Variants in DPY19L2 observed in about 807,000 individuals in gnomAD.
DPY19L2 encodes the protein dpy-19 like 2.
Under a neutral mutation model 97.9 loss-of-function variants are expected in DPY19L2, and 34 were observed. The ratio of observed to expected loss-of-function variants is 0.35; its 90% CI spans 0.26 to 0.46. The LOEUF (loss-of-function observed/expected upper bound fraction) is 0.46, where lower values mean the gene tolerates loss of function less well. Ranked by LOEUF, DPY19L2 falls within the 20% of genes least tolerant of loss-of-function variation. DPY19L2 has a pLI of 1.00. For synonymous variants in DPY19L2, 230 were observed against 307.9 expected, an observed-to-expected ratio of 0.75 and a Z score of 2.65; for missense variants, 623 against 911.4, an observed-to-expected ratio of 0.68 and a Z score of 4.07.
At chr12:63,589,721 G>A (rs997645349) in intron 16 of DPY19L2, among the ~76,000 whole-genome samples, 1 of 152,124 alleles carries the variant, frequency 6.6e-6, no homozygotes, top group Non-Finnish European at 1.5e-5. Flanking sequence ...TGATTGTAGA[G>A]AAATTTTGAA....
At chr12:63,581,151 C>A (rs1173314289) in intron 18 of DPY19L2, among the ~76,000 whole-genome samples, 3 of 152,166 alleles carry the variant, frequency 2.0e-5, no homozygotes, top group African/African-American at 7.2e-5. Flanking sequence ...TAAATCCTTG[C>A]ATCCTTGGCT....
intron 6 of DPY19L2, among the ~76,000 whole-genome samples, chr12:63,636,564 A>T (rs1891743187): frequency 6.6e-6 from 1 of 152,160 alleles, no homozygotes; most frequent in African/African-American, 2.4e-5. Context: ...TAGGCTCAAA[A>T]AAAAGGGATG....
rs58963302 is a variant in DPY19L2, at chr12:63,594,491, G to GTGTGTGTA, written c.1534-359_1534-358insTACACACA. On this transcript the variant is annotated intron_variant, in intron 15 of 21. Transcript: ENST00000324472. ...TGTGTGTGTGTGTGTGTGTGTGTGTGTATGAAACTTGGCCGGCTACAGGGA... is the reference window on the plus strand; with the variant it reads ...TGTGTGTGTGTGTGTGTGTGTGTGTGTGTGTGTATATGAAACTTGGCCGGCTACAGGGA... Among the ~76,000 whole-genome samples, 216 of 144,638 alleles carry GTGTGTGTA rather than the reference G, an allele frequency of 1.5e-3. 3 individuals carry two copies. The highest frequency in any genetic ancestry group is 5.5e-3 in the African/African-American group (204 of 37,142). 94.9% of individuals were successfully genotyped at this position (144,638 alleles called of 152,430 possible).
chr12:63,614,762 T>A (rs1887578559), intron 11 of DPY19L2, among the ~76,000 whole-genome samples: 1 of 152,132 alleles, frequency 6.6e-6, no homozygotes, highest in South Asian at 2.1e-4. Context: ...TTACCATAAA[T>A]GCATGCACAC....
At chr12:63,562,437 T>TTATTTCCA in intron 21 of DPY19L2, among the ~76,000 whole-genome samples, 1 of 144,198 alleles carries the variant, frequency 6.9e-6, no homozygotes, top group African/African-American at 2.9e-5. Context: ...GATAAATAAG[T>TTATTTCCA]GGATTGTTTC....
At chr12:63,570,287 A>C (rs558006076) in intron 20 of DPY19L2, among the ~76,000 whole-genome samples, 1 of 152,226 alleles carries the variant, frequency 6.6e-6, no homozygotes, top group Non-Finnish European at 1.5e-5. Context: ...CACGTAATAT[A>C]TAATAGCAAC....
intron 16 of DPY19L2, among the ~76,000 whole-genome samples, chr12:63,584,405 CCA>C (rs1200447981): frequency 2.6e-5 from 4 of 152,264 alleles, no homozygotes; most frequent in Admixed American, 2.6e-4. Flanking sequence ...GAAATGAATA[CCA>C]CAGTCTCTGC....
intron 11 of DPY19L2, among the ~76,000 whole-genome samples, chr12:63,610,841 CA>C (rs56044043): frequency 3.7e-3 from 40 of 10,750 alleles, no homozygotes; most frequent in South Asian, 0.023. Context: ...ATGAATATAG[CA>C]AAAAAAAAAA....
intron 6 of DPY19L2, among the ~76,000 whole-genome samples, chr12:63,631,995 C>G (rs1334713277): frequency 5.9e-5 from 9 of 152,016 alleles, no homozygotes; most frequent in African/African-American, 1.2e-4. Flanking sequence ...GCAGAAAAGG[C>G]CTTTGACAAA....
At chr12:63,651,213 T>C (rs1255819313) in intron 4 of DPY19L2, among the ~76,000 whole-genome samples, 1 of 152,162 alleles carries the variant, frequency 6.6e-6, no homozygotes, top group African/African-American at 2.4e-5. Flanking sequence ...AGCAGAAGAC[T>C]GAAACTTCAC....
chr12:63,668,326 C>G lies in DPY19L2; in HGVS notation c.68G>C (p.Arg23Pro). 1 of 1,613,926 alleles carries G rather than the reference C, an allele frequency of 6.2e-7. No homozygotes were observed. The highest frequency in any genetic ancestry group is 8.5e-7 in the Non-Finnish European group (1 of 1,179,964). ...SSGRSQSKGR[R>P]GASLAREPEV... Reference sequence around the variant, plus strand: ...CGGCTCCCGGGCGAGGGAGGCCCCGCGCCGCCCCTTAGACTGGCTGCGGCC... The same window carrying G: ...CGGCTCCCGGGCGAGGGAGGCCCCGGGCCGCCCCTTAGACTGGCTGCGGCC... The change falls in exon 1 of 22, where the codon CGC (arginine) becomes CCC (proline). Residue 23 changes from arginine (R) to proline (P), a missense_variant. Physicochemically the swap from Arg to Pro is moderately radical, Grantham distance 103. Around this residue, in one of 6 missense-constraint regions of DPY19L2, gnomAD observed 144 missense variants for 119.4 expected, o/e 1.21. Coordinates refer to ENST00000324472, the MANE Select transcript of DPY19L2 (RefSeq NM_173812.5).
intron 10 of DPY19L2, 32 bp from the exon 11 acceptor site, chr12:63,617,422 T>G: frequency 1.4e-6 from 2 of 1,444,418 alleles, no homozygotes; most frequent in Non-Finnish European, 1.9e-6. Context: ...CATTTTATGG[T>G]TATTACATAT....
chr12:63,647,075 C>G (rs147147222), intron 5 of DPY19L2, among the ~76,000 whole-genome samples, 170 bp downstream of exon 5: 1 of 152,092 alleles, frequency 6.6e-6, no homozygotes, highest in Admixed American at 6.5e-5. Context: ...TTTAAGTACA[C>G]AGCCTTCTCA....
At chr12:63,636,737 A>G (rs922679516) in intron 6 of DPY19L2, among the ~76,000 whole-genome samples, 11 of 152,180 alleles carry the variant, frequency 7.2e-5, no homozygotes, top group Non-Finnish European at 1.0e-4. Flanking sequence ...AGAGCTAACT[A>G]TCCTAAATAT....
rs183490353 is a variant in DPY19L2 at position 63,626,782 on chromosome 12, C to T, written c.804-256G>A. 3.0e-4 allele frequency among the ~76,000 whole-genome samples: 46 copies of T among 152,016 alleles called. 1 individual carries two copies. Among genetic ancestry groups the T allele is most frequent in the Middle Eastern group, 3.4e-3 (1 of 294 alleles). ...CTAAATAAAATACATAAGGTGTGAA[C>T]ATAATTTTTTTTTTGAGATGGGATC... is the stretch of plus-strand genomic sequence containing the variant. On this transcript the variant is annotated intron_variant, in intron 6 of 21. Transcript: ENST00000324472.
intron 21 of DPY19L2, among the ~76,000 whole-genome samples, 161 bp from the exon 22 acceptor site, chr12:63,560,823 A>AG (rs1417970572): frequency 6.6e-6 from 1 of 152,212 alleles, no homozygotes; most frequent in African/African-American, 2.4e-5. Context: ...AATTTAAAAA[A>AG]TAGAATGAAA....
At chr12:63,658,325 T>C (rs1391916609) in intron 4 of DPY19L2, among the ~76,000 whole-genome samples, 1 of 151,952 alleles carries the variant, frequency 6.6e-6, no homozygotes, top group Non-Finnish European at 1.5e-5. Flanking sequence ...TGAAACCCCG[T>C]TTCTACTAAA....
chr12:63,638,832 T>C (rs1892201534), intron 6 of DPY19L2, among the ~76,000 whole-genome samples: 1 of 152,128 alleles, frequency 6.6e-6, no homozygotes, highest in African/African-American at 2.4e-5. Flanking sequence ...ATGACTTTCT[T>C]CACAGAATTG....
chr12:63,571,178 G>A lies in DPY19L2; in HGVS notation c.1901-321C>T, dbSNP rs1186651026. On this transcript the variant is annotated intron_variant, in intron 19 of 21. Transcript: ENST00000324472. ...TGAGCATGTGAGGGGTCTGGGTTGT[G>A]CACTCAGAATCTAATGCCTGATGGT... 2.0e-5 allele frequency among the ~76,000 whole-genome samples: 3 copies of A among 152,060 alleles called. No homozygotes were observed. The South Asian group carries it at 6.2e-4, about 32-fold the overall frequency.
Sources: allele counts gnomAD v4.1 joint callset (sites outside exome capture counted in the v4.1 genomes callset), GRCh38; gene constraint gnomAD v4.1.1; regional missense constraint gnomAD v4.1.1; transcripts MANE v1.5; gene names NCBI Gene and HGNC (gene_info 2026-07-23, HGNC 2026-07-21).